Variants in SPIDR observed in about 807,000 individuals in gnomAD.
SPIDR encodes the protein DNA repair-scaffolding protein.
Under a neutral mutation model 104.6 loss-of-function variants are expected in SPIDR, and 93 were observed. That is an observed-to-expected ratio of 0.89 (90% CI 0.75 to 1.06). The LOEUF (loss-of-function observed/expected upper bound fraction) is 1.06, where lower values mean the gene tolerates loss of function less well. SPIDR is among the 50% of genes least tolerant of loss of function. The pLI is 0.00. For synonymous variants in SPIDR, 431 were observed against 416.9 expected, an observed-to-expected ratio of 1.03 and a Z score of -0.41; for missense variants, 1,154 against 1,111.2, an observed-to-expected ratio of 1.04 and a Z score of -0.55.
intron 5 of SPIDR, among the ~76,000 whole-genome samples, chr8:47,341,439 A>C (rs1469039091): frequency 6.6e-6 from 1 of 151,946 alleles, no homozygotes; most frequent in Admixed American, 6.5e-5. Flanking sequence ...ATAAACATGC[A>C]TGGTTTTTGT....
At chr8:47,641,306 T>C (rs1259881336) in intron 10 of SPIDR, among the ~76,000 whole-genome samples, 1 of 152,110 alleles carries the variant, frequency 6.6e-6, no homozygotes, top group Non-Finnish European at 1.5e-5. Flanking sequence ...GATACAGGTG[T>C]GAGCCACTGT....
At chr8:47,552,385 A>G (rs979268879) in intron 8 of SPIDR, among the ~76,000 whole-genome samples, 2 of 152,144 alleles carry the variant, frequency 1.3e-5, no homozygotes, top group African/African-American at 2.4e-5. Flanking sequence ...AAAGTCTCCC[A>G]TTATTATTGT....
intron 8 of SPIDR, among the ~76,000 whole-genome samples, chr8:47,583,065 C>A (rs1202348024): frequency 6.6e-6 from 1 of 151,334 alleles, no homozygotes; most frequent in Non-Finnish European, 1.5e-5. Context: ...CAAGTATGCT[C>A]TGAGAATTTA....
intron 8 of SPIDR, among the ~76,000 whole-genome samples, chr8:47,464,330 C>G (rs767024315): frequency 6.6e-6 from 1 of 152,062 alleles, no homozygotes; most frequent in Non-Finnish European, 1.5e-5. Context: ...CAGACTCTTA[C>G]AATAAAAACT....
At chr8:47,550,714 A>G (rs2090310312) in intron 8 of SPIDR, among the ~76,000 whole-genome samples, 1 of 152,238 alleles carries the variant, frequency 6.6e-6, no homozygotes, top group South Asian at 2.1e-4. Context: ...GCATCTGCAA[A>G]CAGGAACAAT....
intron 5 of SPIDR, among the ~76,000 whole-genome samples, chr8:47,310,117 A>T (rs587687179): frequency 6.6e-6 from 1 of 151,954 alleles, no homozygotes; most frequent in South Asian, 2.1e-4. Context: ...GCAGATCACG[A>T]GGTCAGGAGA....
chr8:47,687,517 GTA>G (rs2077975801), intron 11 of SPIDR, among the ~76,000 whole-genome samples: 1 of 152,184 alleles, frequency 6.6e-6, no homozygotes, highest in South Asian at 2.1e-4. Context: ...TCTCCTGTAT[GTA>G]TTGAGCTTAT....
chr8:47,627,813 G>C (rs1378671848), intron 10 of SPIDR, among the ~76,000 whole-genome samples: 4 of 152,194 alleles, frequency 2.6e-5, no homozygotes, highest in Non-Finnish European at 2.9e-5. Context: ...GGCTGTCTTT[G>C]TGCAGCCTTG....
intron 5 of SPIDR, among the ~76,000 whole-genome samples, chr8:47,333,664 T>C (rs1475178608): frequency 5.9e-5 from 9 of 152,162 alleles, no homozygotes; most frequent in African/African-American, 2.2e-4. Flanking sequence ...ATTAGTACCA[T>C]AGTCATTATC....
At chr8:47,299,555 T>C (rs2041619417) in intron 5 of SPIDR, among the ~76,000 whole-genome samples, 1 of 152,178 alleles carries the variant, frequency 6.6e-6, no homozygotes, top group Non-Finnish European at 1.5e-5. Flanking sequence ...GCTTCCAGTT[T>C]TTGCCCATTC....
At chr8:47,448,436 C>T (rs2154347193) in intron 8 of SPIDR, among the ~76,000 whole-genome samples, 1 of 152,264 alleles carries the variant, frequency 6.6e-6, no homozygotes, top group South Asian at 2.1e-4. Flanking sequence ...AAGCCTTGTA[C>T]TAGAATTCCT....
In SPIDR at chr8:47,330,728, G is replaced by A. The variant is rs1039121749; in HGVS notation, c.525+36698G>A. ...GCACTGAATTATGTTCCATTGTCTGGATATAACACTTTATCCATTCATCTA... is the reference window on the plus strand; with the variant it reads ...GCACTGAATTATGTTCCATTGTCTGAATATAACACTTTATCCATTCATCTA... On this transcript the variant is annotated intron_variant, in intron 5 of 19. Coordinates refer to ENST00000297423, the MANE Select transcript of SPIDR (RefSeq NM_001080394.4). 7.2e-5 allele frequency: 33 copies of A among 455,476 alleles called. 1 individual carries two copies. The highest frequency in any genetic ancestry group is 5.8e-4 in the African/African-American group (29 of 50,110). 28.2% of individuals were successfully genotyped at this position (455,476 alleles called of 1,614,324 possible).
intron 8 of SPIDR, among the ~76,000 whole-genome samples, chr8:47,442,874 A>G (rs1250563245): frequency 6.6e-6 from 1 of 152,198 alleles, no homozygotes; most frequent in African/African-American, 2.4e-5. Context: ...TTCTGGGATT[A>G]TAGGCCTGAG....
At chr8:47,535,964 A>G (rs1400850963) in intron 8 of SPIDR, among the ~76,000 whole-genome samples, 1 of 152,200 alleles carries the variant, frequency 6.6e-6, no homozygotes, top group Non-Finnish European at 1.5e-5. Context: ...ATGTGATTAT[A>G]GCAAGGCTGC....
intron 8 of SPIDR, among the ~76,000 whole-genome samples, chr8:47,526,503 C>T (rs959444454): frequency 2.6e-5 from 4 of 152,050 alleles, no homozygotes; most frequent in East Asian, 1.9e-4. Context: ...TGGCAGACCA[C>T]GAGCAAAAAG....
At chr8:47,266,375 A>G (rs1403737792) in intron 1 of SPIDR, among the ~76,000 whole-genome samples, 2 of 151,890 alleles carry the variant, frequency 1.3e-5, no homozygotes, top group African/African-American at 4.8e-5. Context: ...AGGCAATGCA[A>G]TCCACCCACC....
intron 7 of SPIDR, among the ~76,000 whole-genome samples, chr8:47,426,674 T>A (rs1337484223): frequency 6.6e-6 from 1 of 152,220 alleles, no homozygotes; most frequent in Admixed American, 6.5e-5. Flanking sequence ...AAGAAATTTA[T>A]TTCTCACCTG....
chr8:47,383,319 G>T (rs1005287218), intron 5 of SPIDR, among the ~76,000 whole-genome samples: 1 of 152,054 alleles, frequency 6.6e-6, no homozygotes, highest in Non-Finnish European at 1.5e-5. Flanking sequence ...ATGAACTTTG[G>T]CCTCTTCTAG....
chr8:47,474,554 G>A (rs955083650), intron 8 of SPIDR, among the ~76,000 whole-genome samples: 3 of 152,172 alleles, frequency 2.0e-5, no homozygotes, highest in African/African-American at 7.2e-5. Context: ...GGAGATCTGT[G>A]AACTGGTCAG....
Sources: allele counts gnomAD v4.1 joint callset (sites outside exome capture counted in the v4.1 genomes callset), GRCh38; gene constraint gnomAD v4.1.1; transcripts MANE v1.5; gene names NCBI Gene and HGNC (gene_info 2026-07-23, HGNC 2026-07-21).